Variants in EFR3B observed in about 807,000 individuals in gnomAD.
EFR3B encodes protein EFR3 homolog B.
EFR3B carries 64 observed loss-of-function variants against 104.7 expected under a neutral mutation model. The ratio of observed to expected loss-of-function variants is 0.61; its 90% CI spans 0.50 to 0.75. The LOEUF is 0.75. Among genes scored for constraint, EFR3B ranks in the 30% least tolerant of loss-of-function variants. The pLI is 0.00. For missense variants in EFR3B, 750 were observed against 1,078.5 expected (o/e 0.70, Z 4.27); for synonymous variants, 385 against 417.9 (o/e 0.92, Z 0.96).
chr2:25,129,260 T>C (rs1177133044), intron 6 of EFR3B, among the ~76,000 whole-genome samples: 3 of 149,512 alleles, frequency 2.0e-5, no homozygotes, highest in Non-Finnish European at 3.0e-5. Flanking sequence ...CTGGGCTATC[T>C]GTGCACTAGG....
intron 17 of EFR3B, 75 bp from the exon 18 acceptor site, chr2:25,143,660 T>TAA: frequency 2.2e-5 from 25 of 1,158,490 alleles, no homozygotes; most frequent in African/African-American, 1.1e-4. Context: ...AACCCTGTCT[T>TAA]AAAAAAAAAA....
intron 1 of EFR3B, among the ~76,000 whole-genome samples, chr2:25,061,471 G>A (rs1375649233): frequency 6.6e-6 from 1 of 151,542 alleles, no homozygotes. Context: ...GGCCTACTCA[G>A]AAGTGAACAC....
In EFR3B at chr2:25,155,600, C is replaced by T. The variant is rs1047465465; in HGVS notation, c.*1260C>T. The T allele has an allele frequency of 5.3e-5, 8 of 152,282 alleles. No homozygotes were observed. Among genetic ancestry groups the T allele is most frequent in the Non-Finnish European group, 7.3e-5 (5 of 68,152 alleles). 9.4% of individuals were successfully genotyped at this position (152,282 alleles called of 1,614,324 possible). A position where few individuals can be genotyped will look rare whatever the true frequency, so the allele number is the denominator to read the frequency against. On this transcript the variant is annotated 3_prime_UTR_variant, in exon 23 of 23. Transcript: ENST00000403714. ...AGTTTGTTGCCTTCTTTGCCAATTCCCCTTCCCGGCCCCTCCTCCAGGTGC... is the reference window on the plus strand; with the variant it reads ...AGTTTGTTGCCTTCTTTGCCAATTCTCCTTCCCGGCCCCTCCTCCAGGTGC...
intron 4 of EFR3B, among the ~76,000 whole-genome samples, chr2:25,108,948 G>T (rs1342037297): frequency 6.6e-6 from 1 of 152,106 alleles, no homozygotes; most frequent in Non-Finnish European, 1.5e-5. Context: ...GAAGGTTGCA[G>T]TGAGCCGAGA....
rs185796025 is a variant in EFR3B, at chr2:25,093,002, G to A, written c.85-1G>A. ...TGAGCACAAGCTGTTTTCTCCTACAGGATGGTCTGGTGAAGACCAACATGG... is the reference window on the plus strand; with the variant it reads ...TGAGCACAAGCTGTTTTCTCCTACAAGATGGTCTGGTGAAGACCAACATGG... On this transcript the variant is annotated splice_acceptor_variant, in intron 2 of 22. Transcript: ENST00000403714. LOFTEE classifies it high-confidence loss of function. The A allele has an allele frequency of 6.5e-7, 1 of 1,544,808 alleles. No homozygotes were observed. The highest frequency in any genetic ancestry group is 1.4e-5 in the African/African-American group (1 of 73,120).
At chr2:25,071,269 T>C (rs1392406615) in intron 1 of EFR3B, among the ~76,000 whole-genome samples, 3 of 142,334 alleles carry the variant, frequency 2.1e-5, no homozygotes, top group Non-Finnish European at 4.6e-5. Flanking sequence ...CTTTTTTTTT[T>C]TTTTTTTCTG....
chr2:25,085,198 C>T (rs996720889), intron 1 of EFR3B, among the ~76,000 whole-genome samples: 1 of 152,116 alleles, frequency 6.6e-6, no homozygotes, highest in Non-Finnish European at 1.5e-5. Flanking sequence ...GGATTTCCAT[C>T]GTCAAACTGT....
intron 1 of EFR3B, among the ~76,000 whole-genome samples, chr2:25,073,587 G>C (rs10168993): frequency 2.0e-5 from 3 of 152,020 alleles, no homozygotes; most frequent in African/African-American, 7.2e-5. Flanking sequence ...GAACTCCTGA[G>C]CTCAAGTAAT....
At chr2:25,133,711 T>C (rs951073248) in intron 12 of EFR3B, among the ~76,000 whole-genome samples, 1 of 152,236 alleles carries the variant, frequency 6.6e-6, no homozygotes, top group East Asian at 1.9e-4. Flanking sequence ...AGACGTGATC[T>C]GTCTTGAGAC....
Position 25,058,777 on chromosome 2 carries a change from A to C in EFR3B, c.7+16458A>C, listed in dbSNP as rs971275309. Among the ~76,000 whole-genome samples, 246 of 103,180 alleles carry C rather than the reference A, an allele frequency of 2.4e-3. 2 individuals are homozygous for C. Among genetic ancestry groups the C allele is most frequent in the Admixed American group, 7.8e-3 (90 of 11,576 alleles). The allele number at this position is 103,180 out of a possible 152,430, so 67.7% of individuals were successfully genotyped here. A position where few individuals can be genotyped will look rare whatever the true frequency, so the allele number is the denominator to read the frequency against. ...CTGTCTCCCCGCGCCCCCCCCCCCA[A>C]AAAAAAAAACAATAACCAAGTGTTG... On this transcript the variant is annotated intron_variant, in intron 1 of 22. Coordinates refer to ENST00000403714, the MANE Select transcript of EFR3B (RefSeq NM_014971.2).
intron 3 of EFR3B, among the ~76,000 whole-genome samples, chr2:25,098,986 C>CT (rs1669359647): frequency 6.6e-6 from 1 of 152,076 alleles, no homozygotes; most frequent in African/African-American, 2.4e-5. Flanking sequence ...CCACCCCTTC[C>CT]TTTACGTCAT....
In EFR3B at chr2:25,151,943, C is replaced by T. The variant is rs766872394; in HGVS notation, c.2221C>T (p.Arg741Cys). The change falls in exon 21 of 23, where the codon CGT (arginine) becomes TGT (cysteine). Residue 741 changes from arginine to cysteine, a missense_variant. Arg to Cys is a radical substitution (Grantham distance 180). Transcript: ENST00000403714. ...VDSVAVEEQE[R>C]ERRRQVVEKF... ...CAGCGTAGCAGTGGAGGAGCAGGAG[C>T]GTGAGCGGCGGCGGCAGGTGGTGGA... The T allele has an allele frequency of 4.5e-6, 7 of 1,551,588 alleles. No homozygotes were observed. Among genetic ancestry groups the T allele is most frequent in the South Asian group, 2.4e-5 (2 of 84,062 alleles).
chr2:25,072,794 T>C (rs994465755), intron 1 of EFR3B, among the ~76,000 whole-genome samples: 7 of 152,202 alleles, frequency 4.6e-5, no homozygotes, highest in African/African-American at 1.7e-4. Flanking sequence ...TCTTGCAGCC[T>C]TGGGGCCCAC....
chr2:25,105,867 G>A (rs1669547569), intron 4 of EFR3B, among the ~76,000 whole-genome samples: 1 of 152,330 alleles, frequency 6.6e-6, no homozygotes, highest in South Asian at 2.1e-4. Flanking sequence ...TCAGTGTCCT[G>A]CAGATTCCCC....
chr2:25,097,960 A>G (rs758989570), intron 3 of EFR3B, among the ~76,000 whole-genome samples: 16 of 152,212 alleles, frequency 1.1e-4, no homozygotes, highest in Non-Finnish European at 1.5e-5. Flanking sequence ...GGAGATGGCC[A>G]TGCCAGAGGG....
At position 25,060,531 on chromosome 2, in the gene EFR3B, G is replaced by C. The variant is rs569016878; in HGVS notation, c.7+18212G>C. On this transcript the variant is annotated intron_variant, in intron 1 of 22. Transcript: ENST00000403714. ...GCTACTGTGTTTTGTGAAAGTGGCT[G>C]GAGGGATGATTATCAAAATTGGAGT... Among the ~76,000 whole-genome samples, 6 of 152,210 alleles carry C rather than the reference G, an allele frequency of 3.9e-5. No homozygotes were observed. In the South Asian group the frequency reaches 8.3e-4, roughly 21 times the overall value.
chr2:25,128,960 CAAAAAAAAAAAAAAAAAAAAAAAAAAA>C (rs1170505822), intron 6 of EFR3B, among the ~76,000 whole-genome samples: 8 of 26,654 alleles, frequency 3.0e-4, no homozygotes, highest in South Asian at 2.0e-3. Context: ...GACTCCGTCT[CAAAAAAAAAAAAAAAAAAAAAAAAAAA>C]AAAAAAAAAA....
In EFR3B at chr2:25,129,652, G is replaced by A. The variant is rs149144359; in HGVS notation, c.636-323G>A. On this transcript the variant is annotated intron_variant, in intron 6 of 22. Coordinates refer to ENST00000403714, the MANE Select transcript of EFR3B (RefSeq NM_014971.2). ...TCCTTTTCCTTCTGAAGTCTTAGGT[G>A]CATCAAGACACACATGTTCTACACC... is the stretch of plus-strand genomic sequence containing the variant. Among the ~76,000 whole-genome samples the A allele has an allele frequency of 1.1e-4, 17 of 152,016 alleles. No individual in the cohort carries two copies. In the East Asian group the frequency reaches 2.9e-3, roughly 26 times the overall value.
intron 1 of EFR3B, chr2:25,080,045 A>T: frequency 1.1e-6 from 1 of 875,222 alleles, no homozygotes; most frequent in Non-Finnish European, 2.0e-6. Context: ...TCGGTGCCTT[A>T]GCATCATCAA....
Sources: allele counts gnomAD v4.1 joint callset (sites outside exome capture counted in the v4.1 genomes callset), GRCh38; gene constraint gnomAD v4.1.1; transcripts MANE v1.5; gene names NCBI Gene and HGNC (gene_info 2026-07-23, HGNC 2026-07-21).